WWOX: variants seen among roughly 807,000 people sequenced by gnomAD.
WWOX encodes the protein WW domain-containing oxidoreductase.
In WWOX, 69 loss-of-function variants were observed where a neutral mutation model predicts 46.2. That is an observed-to-expected ratio of 1.49 (90% CI 1.23 to 1.82). WWOX has a LOEUF of 1.82. Among genes scored for constraint, WWOX ranks in the 40% most tolerant of loss-of-function variants. The probability of loss-of-function intolerance (pLI) is 0.00; values close to 1 mark genes in which losing one functional copy is unlikely to be tolerated. For missense variants in WWOX, 919 were observed against 542.6 expected (o/e 1.69, Z -6.89); for synonymous variants, 359 against 202.6 (o/e 1.77, Z -6.56).
Position 78,572,762 on chromosome 16 carries a change from G to A in WWOX, c.1056+140010G>A, listed in dbSNP as rs192244948. ...AATGAAGAATGCAAAATATGAGCTA[G>A]TGTTTTCCCAGGTGTGAGGGACGGG... On this transcript the variant is annotated intron_variant, in intron 8 of 8. Coordinates refer to ENST00000566780, the MANE Select transcript of WWOX (RefSeq NM_016373.4). 4.0e-4 allele frequency among the ~76,000 whole-genome samples: 61 copies of A among 152,218 alleles called. No homozygotes were observed. The East Asian group carries it at 0.011, about 28-fold the overall frequency.
At chr16:78,758,264 G>A (rs1424193030) in intron 8 of WWOX, among the ~76,000 whole-genome samples, 1 of 152,168 alleles carries the variant, frequency 6.6e-6, no homozygotes, top group Non-Finnish European at 1.5e-5. Flanking sequence ...ATTATTACCA[G>A]AGAATACTCT....
intron 1 of WWOX, chr16:78,100,277 C>A (rs751219972): frequency 1.8e-5 from 19 of 1,074,358 alleles, no homozygotes; most frequent in Non-Finnish European, 2.2e-5. Flanking sequence ...TTGTCCAGAC[C>A]GGTATTGCTC....
In WWOX at chr16:78,886,978, T is replaced by G. The variant is rs192881233; in HGVS notation, c.1057-324630T>G. Among the ~76,000 whole-genome samples, 229 of 152,002 alleles carry G rather than the reference T, an allele frequency of 1.5e-3. 3 individuals carry two copies. The highest frequency in any genetic ancestry group is 5.3e-3 in the African/African-American group (221 of 41,426). ...CTTAAAGTTTATAGGGTCTGCTGGG[T>G]TTAAGGAGGAGAAATTTGAGTTTTC... On this transcript the variant is annotated intron_variant, in intron 8 of 8. Coordinates refer to ENST00000566780, the MANE Select transcript of WWOX (RefSeq NM_016373.4).
intron 5 of WWOX, among the ~76,000 whole-genome samples, chr16:78,371,782 GTTTTTC>G (rs2081696080): frequency 2.0e-5 from 3 of 151,122 alleles, no homozygotes; most frequent in Admixed American, 6.6e-5. Flanking sequence ...TGTTCCTGAT[GTTTTTC>G]TTTATCTTTA....
chr16:78,949,249 C>G (rs2046009781), intron 8 of WWOX, among the ~76,000 whole-genome samples: 1 of 152,144 alleles, frequency 6.6e-6, no homozygotes, highest in African/African-American at 2.4e-5. Context: ...GGAAACCCAC[C>G]TGAGCCACTC....
chr16:78,313,562 C>G (rs2080291474), intron 5 of WWOX, among the ~76,000 whole-genome samples: 1 of 152,160 alleles, frequency 6.6e-6, no homozygotes, highest in Non-Finnish European at 1.5e-5. Flanking sequence ...GACGGGGTTT[C>G]TCCATGTTGG....
chr16:78,169,919 T>A (rs2035099619), intron 5 of WWOX, among the ~76,000 whole-genome samples: 1 of 152,122 alleles, frequency 6.6e-6, no homozygotes. Context: ...GGACTGGCCA[T>A]TAGTATAGCG....
intron 8 of WWOX, among the ~76,000 whole-genome samples, chr16:78,590,525 C>G (rs1307688752): frequency 6.6e-6 from 1 of 152,196 alleles, no homozygotes; most frequent in African/African-American, 2.4e-5. Flanking sequence ...GCAGATTAGA[C>G]AAGAAACATT....
rs1244765731 is a variant in WWOX, at chr16:78,261,660, A to C, written c.516+97371A>C. Reference sequence around the variant, plus strand: ...GGAATCAGGGAGACTATGGAAGAACAATCTCAGATCTCAGCTTGAGGCTCC... The same window carrying C: ...GGAATCAGGGAGACTATGGAAGAACCATCTCAGATCTCAGCTTGAGGCTCC... On this transcript the variant is annotated intron_variant, in intron 5 of 8. Transcript: ENST00000566780. 6.7e-5 allele frequency among the ~76,000 whole-genome samples: 10 copies of C among 149,900 alleles called. 1 individual carries two copies. The highest frequency in any genetic ancestry group is 1.3e-4 in the Non-Finnish European group (9 of 67,554).
chr16:78,255,086 T>G (rs1211560953), intron 5 of WWOX, among the ~76,000 whole-genome samples: 1 of 152,216 alleles, frequency 6.6e-6, no homozygotes, highest in Non-Finnish European at 1.5e-5. Context: ...CTGGCCTTTA[T>G]GCTAAGTTCT....
chr16:78,741,962 A>T (rs375444601), intron 8 of WWOX, among the ~76,000 whole-genome samples: 12 of 152,296 alleles, frequency 7.9e-5, no homozygotes, highest in African/African-American at 2.6e-4. Context: ...TTAACTGGAC[A>T]TTATCTCTGT....
chr16:78,665,927 T>C (rs1365083283), intron 8 of WWOX, among the ~76,000 whole-genome samples: 3 of 151,676 alleles, frequency 2.0e-5, no homozygotes, highest in East Asian at 2.0e-4. Flanking sequence ...TCAAGTGATC[T>C]GCCCACCTTG....
At chr16:78,891,304 C>A (rs1295637071) in intron 8 of WWOX, 3 of 152,098 alleles carry the variant, frequency 2.0e-5, no homozygotes, top group Non-Finnish European at 2.9e-5. Flanking sequence ...TGGCTTTCTC[C>A]TAAGTTCACC....
intron 5 of WWOX, among the ~76,000 whole-genome samples, chr16:78,357,857 G>T (rs921627264): frequency 8.5e-5 from 13 of 152,302 alleles, no homozygotes; most frequent in African/African-American, 2.2e-4. Flanking sequence ...TAGCTAACCA[G>T]TAGCAGAGCT....
At chr16:78,399,631 T>G (rs1232462775) in intron 6 of WWOX, among the ~76,000 whole-genome samples, 1 of 152,130 alleles carries the variant, frequency 6.6e-6, no homozygotes, top group Non-Finnish European at 1.5e-5. Context: ...GTTTCAACAT[T>G]TGGTTACTCT....
chr16:78,937,601 C>CTTCATTTA (rs1555572427), intron 8 of WWOX, among the ~76,000 whole-genome samples: 4,344 of 142,586 alleles, frequency 0.03, 144 homozygotes, highest in African/African-American at 0.063. Flanking sequence ...AGCTATAGAG[C>CTTCATTTA]TTTATTTATT....
chr16:79,129,794 A>G (rs1485057183), intron 8 of WWOX, among the ~76,000 whole-genome samples: 1 of 152,182 alleles, frequency 6.6e-6, no homozygotes, highest in African/African-American at 2.4e-5. Flanking sequence ...GTCACAGTCC[A>G]TCCCTCAAAG....
intron 8 of WWOX, among the ~76,000 whole-genome samples, chr16:78,639,162 T>C (rs2046644071): frequency 6.6e-6 from 1 of 152,198 alleles, no homozygotes; most frequent in South Asian, 2.1e-4. Context: ...ACCAAAAGTC[T>C]GTTGAGTTTG....
In WWOX at chr16:78,362,134, G is replaced by A. The variant is rs2081422564; in HGVS notation, c.517-24726G>A. On this transcript the variant is annotated intron_variant, in intron 5 of 8. Coordinates refer to ENST00000566780, the MANE Select transcript of WWOX (RefSeq NM_016373.4). ...CCACTTTTTATGTCCGGTGGCCATA[G>A]GCTGGTGAGAACTTGATTTTGAACA... 3.3e-5 allele frequency among the ~76,000 whole-genome samples: 5 copies of A among 152,080 alleles called. No homozygotes were observed. The South Asian group carries it at 6.3e-4, about 19-fold the overall frequency.
Sources: gnomAD v4.1 joint callset for allele counts (sites outside exome capture counted in the v4.1 genomes callset) on GRCh38, gnomAD v4.1.1 for gene constraint, MANE v1.5 for transcripts, NCBI Gene and HGNC (gene_info 2026-07-23, HGNC 2026-07-21) for gene names.